TRAM2: variants seen among roughly 807,000 people sequenced by gnomAD.
TRAM2 encodes the protein translocating chain-associated membrane protein 2.
In TRAM2, 12 loss-of-function variants were observed where a neutral mutation model predicts 51.0. The observed-to-expected ratio is 0.24, with a 90% CI of 0.15 to 0.38. The LOEUF is 0.38. TRAM2 is among the 10% of genes least tolerant of loss of function. The pLI is 1.00. For synonymous variants in TRAM2, 175 were observed against 179.4 expected (o/e 0.98, Z 0.20); for missense variants, 361 against 462.0 (o/e 0.78, Z 2.00).
At chr6:52,519,735 G>A (rs997073933) in intron 2 of TRAM2, among the ~76,000 whole-genome samples, 4 of 151,926 alleles carry the variant, frequency 2.6e-5, no homozygotes, top group African/African-American at 7.3e-5. Context: ...AGATGGAAGC[G>A]ACGCAGGTGT....
At position 52,522,828 on chromosome 6, in the gene TRAM2, T is replaced by G. The variant is rs1766700810; in HGVS notation, c.185-6091A>C. On this transcript the variant is annotated intron_variant, in intron 2 of 10. Transcript: ENST00000182527. ...TCCCTTTTGGGGAGTCACATTCTGCTTGACCTCCTGCTCCGTTTCCTATGA... is the reference window on the plus strand; with the variant it reads ...TCCCTTTTGGGGAGTCACATTCTGCGTGACCTCCTGCTCCGTTTCCTATGA... The G allele has an allele frequency of 5.8e-6, 4 of 689,428 alleles. No homozygotes were observed. The South Asian group carries it at 6.2e-5, about 11-fold the overall frequency. The allele number at this position is 689,428 out of a possible 1,614,324, so 42.7% of individuals were successfully genotyped here.
chr6:52,574,900 C>T (rs1250078192), intron 1 of TRAM2, among the ~76,000 whole-genome samples: 1 of 152,060 alleles, frequency 6.6e-6, no homozygotes, highest in Non-Finnish European at 1.5e-5. Flanking sequence ...AGAAATATGA[C>T]GGAGAGAGCC....
chr6:52,568,476 ATTC>A (rs1248941410), intron 1 of TRAM2, among the ~76,000 whole-genome samples: 3 of 152,202 alleles, frequency 2.0e-5, no homozygotes, highest in Non-Finnish European at 4.4e-5. Context: ...GTTCTGAGGA[ATTC>A]TTCTCAGCCG....
chr6:52,539,541 A>C (rs1767040439), intron 1 of TRAM2, among the ~76,000 whole-genome samples: 1 of 137,306 alleles, frequency 7.3e-6, no homozygotes, highest in African/African-American at 2.6e-5. Flanking sequence ...TTTACACAAC[A>C]AAAAAAAAAA....
At chr6:52,564,959 T>A (rs1266994050) in intron 1 of TRAM2, among the ~76,000 whole-genome samples, 1 of 151,468 alleles carries the variant, frequency 6.6e-6, no homozygotes, top group Non-Finnish European at 1.5e-5. Flanking sequence ...GAGTGCAGGG[T>A]GCATGAAAAA....
intron 1 of TRAM2, among the ~76,000 whole-genome samples, chr6:52,544,387 A>C (rs1388749936): frequency 6.6e-6 from 1 of 152,116 alleles, no homozygotes; most frequent in African/African-American, 2.4e-5. Flanking sequence ...TGTCAGTAAA[A>C]GAGCTTAAAT....
chr6:52,549,656 C>T (rs142973184), intron 1 of TRAM2, among the ~76,000 whole-genome samples: 62 of 152,280 alleles, frequency 4.1e-4, no homozygotes, highest in African/African-American at 1.3e-3. Flanking sequence ...TCCATTTATG[C>T]TGCACCAGAA....
chr6:52,568,722 G>GCT (rs1184832259), intron 1 of TRAM2, among the ~76,000 whole-genome samples: 1 of 152,102 alleles, frequency 6.6e-6, no homozygotes, highest in Non-Finnish European at 1.5e-5. Context: ...TCATAACAGT[G>GCT]CTGGGCCCCT....
intron 2 of TRAM2, among the ~76,000 whole-genome samples, chr6:52,521,956 A>G (rs1248370424): frequency 6.6e-6 from 1 of 152,106 alleles, no homozygotes; most frequent in African/African-American, 2.4e-5. Context: ...TCAAAACAAA[A>G]CGCCTACAGG....
At chr6:52,574,313 T>C (rs1260284815) in intron 1 of TRAM2, among the ~76,000 whole-genome samples, 1 of 152,100 alleles carries the variant, frequency 6.6e-6, no homozygotes, top group Non-Finnish European at 1.5e-5. Context: ...CTGCTCTCAT[T>C]TGATAGAGGC....
In TRAM2 at chr6:52,503,088, T is replaced by C; in HGVS notation, c.*109A>G. ...CCCATTGCAAGACAGGTTTCGGCTG[T>C]TTGAGACGGAGCATCACAGGCAGGA... On this transcript the variant is annotated 3_prime_UTR_variant, in exon 11 of 11. Coordinates refer to ENST00000182527, the MANE Select transcript of TRAM2 (RefSeq NM_012288.4). 1 of 943,538 alleles carries C rather than the reference T, an allele frequency of 1.1e-6. No individual in the cohort carries two copies. Among genetic ancestry groups the C allele is most frequent in the South Asian group, 1.3e-5 (1 of 75,944 alleles). The allele number at this position is 943,538 out of a possible 1,614,324, so 58.4% of individuals were successfully genotyped here.
chr6:52,516,565 C>T, intron 3 of TRAM2, 63 bp downstream of exon 3: 1 of 1,383,542 alleles, frequency 7.2e-7, no homozygotes, highest in Non-Finnish European at 1.0e-6. Context: ...CCTCCAAGGC[C>T]AGGTCCTCCA....
intron 1 of TRAM2, among the ~76,000 whole-genome samples, chr6:52,562,004 A>C (rs1247296288): frequency 2.0e-5 from 1 of 49,126 alleles, no homozygotes; most frequent in African/African-American, 8.5e-5. Context: ...TGTATCATAC[A>C]CTTTAAAAAT....
intron 1 of TRAM2, among the ~76,000 whole-genome samples, chr6:52,563,546 C>T (rs1218488091): frequency 2.0e-5 from 3 of 151,678 alleles, no homozygotes; most frequent in East Asian, 1.9e-4. Context: ...GGTGAAACCC[C>T]GTCTCTACTA....
chr6:52,507,171 T>A (rs1766364867), intron 7 of TRAM2, among the ~76,000 whole-genome samples: 1 of 152,194 alleles, frequency 6.6e-6, no homozygotes, highest in African/African-American at 2.4e-5. Context: ...GTGTTTGCAT[T>A]GGACACTGTG....
chr6:52,508,138 T>A lies in TRAM2; in HGVS notation c.555+96A>T, dbSNP rs867221553. ...ATTCCTATCACCACCCAACACTCCA[T>A]GCTTCTGGAGAAAAGGAAGGGAGGT... On this transcript the variant is annotated intron_variant, in intron 6 of 10. Coordinates refer to ENST00000182527, the MANE Select transcript of TRAM2 (RefSeq NM_012288.4). 17 of 1,134,292 alleles carry A rather than the reference T, an allele frequency of 1.5e-5. No individual in the cohort carries two copies. In the Middle Eastern group the frequency reaches 8.9e-4, roughly 59 times the overall value. 70.3% of individuals were successfully genotyped at this position (1,134,292 alleles called of 1,614,324 possible). A position where few individuals can be genotyped will look rare whatever the true frequency, so the allele number is the denominator to read the frequency against.
At chr6:52,556,005 C>T (rs931547251) in intron 1 of TRAM2, among the ~76,000 whole-genome samples, 1 of 152,026 alleles carries the variant, frequency 6.6e-6, no homozygotes, top group Non-Finnish European at 1.5e-5. Context: ...TAGGTCACGC[C>T]TCAGTATAAA....
intron 10 of TRAM2, 81 bp from the exon 11 acceptor site, chr6:52,503,351 G>T (rs772268868): frequency 1.5e-6 from 2 of 1,338,888 alleles, no homozygotes; most frequent in Non-Finnish European, 2.1e-6. Context: ...GCCAGGCCAA[G>T]GAAGGGGCCC....
At chr6:52,552,733 C>A (rs1159179739) in intron 1 of TRAM2, among the ~76,000 whole-genome samples, 2 of 152,180 alleles carry the variant, frequency 1.3e-5, no homozygotes, top group African/African-American at 2.4e-5. Context: ...ATCTACTTTT[C>A]CTGCTGAAAT....
Sources: gnomAD v4.1 joint callset for allele counts (sites outside exome capture counted in the v4.1 genomes callset) on GRCh38, gnomAD v4.1.1 for gene constraint, MANE v1.5 for transcripts, NCBI Gene and HGNC (gene_info 2026-07-23, HGNC 2026-07-21) for gene names.